SYT8: variants seen among roughly 807,000 people sequenced by gnomAD.
The protein encoded by SYT8 is synaptotagmin-8.
SYT8 carries 50 observed loss-of-function variants against 34.9 expected under a neutral mutation model. That is an observed-to-expected ratio of 1.43 (90% confidence interval 1.14 to 1.81). SYT8 has a LOEUF of 1.81. Among genes scored for constraint, SYT8 ranks in the 40% most tolerant of loss-of-function variants. The pLI, the probability that SYT8 is intolerant of heterozygous loss-of-function variation, is 0.00. For synonymous variants in SYT8, 255 were observed against 234.2 expected, an observed-to-expected ratio of 1.09 and a Z score of -0.81; for missense variants, 595 against 529.0, an observed-to-expected ratio of 1.12 and a Z score of -1.22.
At chr11:1,834,713 G>T, upstream of SYT8, 2 of 1,170,196 alleles carry the variant, frequency 1.7e-6, no homozygotes, top group Admixed American at 2.3e-5. The surrounding 1 kb of genome is among the most constrained non-coding windows in gnomAD (Gnocchi z 4.5). Flanking sequence ...AGGGTCCAGG[G>T]CCCAGGAGAG....
At position 1,837,413 on chromosome 11, in the gene SYT8, G is replaced by GC. The variant is rs1424710203; in HGVS notation, c.1149dup (p.Pro385AlafsTer29). ...TGCAGCCCCGCCTTCGCCTGCGCCT[G>GC]CCCTTGCCCCACTCCTGAATGCACC... is the stretch of plus-strand genomic sequence containing the variant. On this transcript the variant is annotated frameshift_variant, in exon 8 of 8. Transcript: ENST00000341958. LOFTEE classifies it high-confidence loss of function. 6.2e-7 allele frequency: 1 copy of GC among 1,605,460 alleles called. No individual in the cohort carries two copies. Among genetic ancestry groups the GC allele is most frequent in the African/African-American group, 1.3e-5 (1 of 74,910 alleles).
intron 4 of SYT8, 36 bp downstream of exon 4, chr11:1,836,320 G>A (rs530708983): frequency 1.6e-5 from 24 of 1,507,000 alleles, no homozygotes; most frequent in African/African-American, 5.6e-5. Context: ...GGGCCTGGAC[G>A]GCTGGATGGG....
At position 1,835,075 on chromosome 11, in the gene SYT8, G is replaced by A. The variant is rs1439067847; in HGVS notation, c.-31G>A. The stretch of plus-strand genomic sequence containing the variant: ...CCTCCCAGCTGACCCAGCCTCCTGG[G>A]CCGCTTCTTCCAAACCAGCAGGGTA... On this transcript the variant is annotated 5_prime_UTR_variant, in exon 1 of 8. Coordinates refer to ENST00000341958, the MANE Select transcript of SYT8 (RefSeq NM_001394072.1). 3.7e-6 allele frequency: 6 copies of A among 1,610,880 alleles called. No homozygotes were observed. Among genetic ancestry groups the A allele is most frequent in the Non-Finnish European group, 5.1e-6 (6 of 1,178,654 alleles).
In SYT8 at chr11:1,837,091, G is replaced by A; in HGVS notation, c.924+1G>A. Reference sequence around the variant, plus strand: ...CCTGGTGCCCTTCAGCCAGGTCCAGGTGGGCCACCGGGAGGCAGGGGCAGA... The same window carrying A: ...CCTGGTGCCCTTCAGCCAGGTCCAGATGGGCCACCGGGAGGCAGGGGCAGA... On this transcript the variant is annotated splice_donor_variant, in intron 7 of 7. Transcript: ENST00000341958. LOFTEE classifies it high-confidence loss of function. 1 of 1,613,448 alleles carries A rather than the reference G, an allele frequency of 6.2e-7. No individual in the cohort carries two copies.
At chr11:1,834,703 A>G (rs888914461), upstream of SYT8, 1 of 1,267,568 alleles carries the variant, frequency 7.9e-7, no homozygotes, top group African/African-American at 1.5e-5. This position sits in a 1 kb window ranked among gnomAD's most constrained non-coding sequence, Gnocchi z 4.5. Flanking sequence ...GGCAGGGCCC[A>G]GGGTCCAGGG....
upstream of SYT8, chr11:1,834,105 C>CA (rs930162180): frequency 5.7e-6 from 1 of 175,806 alleles, no homozygotes; most frequent in South Asian, 1.2e-4. The surrounding 1 kb of genome is among the most constrained non-coding windows in gnomAD (Gnocchi z 4.5). Flanking sequence ...CTCTCTGGAG[C>CA]GGGTGGAGTC....
In SYT8 at chr11:1,836,286, T is replaced by C. The variant is rs1342432418; in HGVS notation, c.516+2T>C. The C allele has an allele frequency of 6.5e-7, 1 of 1,545,768 alleles. No individual in the cohort carries two copies. The highest frequency in any genetic ancestry group is 8.7e-7 in the Non-Finnish European group (1 of 1,148,056). On this transcript the variant is annotated splice_donor_variant, in intron 4 of 7. Coordinates refer to ENST00000341958, the MANE Select transcript of SYT8 (RefSeq NM_001394072.1). LOFTEE classifies it high-confidence loss of function. ...TTTGACGAGACCTGCTGCTTCCACGTGAGTCAGGGATGGTCGGCTGGGTGG... is the reference window on the plus strand; with the variant it reads ...TTTGACGAGACCTGCTGCTTCCACGCGAGTCAGGGATGGTCGGCTGGGTGG...
In SYT8 at chr11:1,836,270, A is replaced by T. The variant is rs761300578; in HGVS notation, c.502A>T (p.Thr168Ser). 1.3e-6 allele frequency: 2 copies of T among 1,559,062 alleles called. No homozygotes were observed. Among genetic ancestry groups the T allele is most frequent in the Non-Finnish European group, 1.7e-6 (2 of 1,155,422 alleles). Residue 168 changes from threonine to serine, a missense_variant, in exon 4 of 8, where the codon ACC (threonine) becomes TCC (serine). Thr to Ser is a moderately conservative substitution (Grantham distance 58). Coordinates refer to ENST00000341958, the MANE Select transcript of SYT8 (RefSeq NM_001394072.1). ...RGTLCPVFDE[T>S]CCFHIPQAEL... ...CACGCTCTGCCCCGTGTTTGACGAGACCTGCTGCTTCCACGTGAGTCAGGG... is the reference window on the plus strand; with the variant it reads ...CACGCTCTGCCCCGTGTTTGACGAGTCCTGCTGCTTCCACGTGAGTCAGGG...
At chr11:1,832,220 T>G (rs1322856277), upstream of SYT8, among the ~76,000 whole-genome samples, 2 of 151,978 alleles carry the variant, frequency 1.3e-5, no homozygotes, top group African/African-American at 4.8e-5. Flanking sequence ...CACGCTGGCC[T>G]TGGAGGGTGA....
rs1380086207 is a variant in SYT8, at chr11:1,837,329, G to T, written c.1062G>T (p.Arg354=). ...CAGACATGCTGGCCCACGCCCGGCG[G>T]CCCATTGCCCAGCGGCACCCCCTGC... ...HWADMLAHAR[R]PIAQRHPLRP... Residue 354 remains arginine, a synonymous_variant, in exon 8 of 8, where the codon CGG becomes CGT. Transcript: ENST00000341958. 6.3e-7 allele frequency: 1 copy of T among 1,591,632 alleles called. No individual in the cohort carries two copies. Among genetic ancestry groups the T allele is most frequent in the Admixed American group, 1.7e-5 (1 of 59,304 alleles).
chr11:1,836,790 G>A lies in SYT8; in HGVS notation c.719G>A (p.Arg240Gln), dbSNP rs75258793. The change falls in exon 6 of 8, where the codon CGG becomes CAG. Residue 240 changes from arginine to glutamine, a missense_variant. Transcript: ENST00000341958. Reference protein sequence around the residue: ...EQVGELCFSLRYVPSSGRLTV... With the variant: ...EQVGELCFSLQYVPSSGRLTV... ...GTCGGGGAGCTGTGCTTCTCTCTCC[G>A]GTACGTGCCCAGCTCAGGCCGGCTG... 5.4e-5 allele frequency: 87 copies of A among 1,610,600 alleles called. No homozygotes were observed. Among genetic ancestry groups the A allele is most frequent in the Admixed American group, 8.3e-5 (5 of 59,996 alleles).
upstream of SYT8, among the ~76,000 whole-genome samples, chr11:1,832,527 G>A (rs1761259595): frequency 1.3e-5 from 2 of 152,192 alleles, no homozygotes; most frequent in Admixed American, 1.3e-4. Context: ...AGATCTGGGA[G>A]GGGAGACCCG....
At position 1,835,192 on chromosome 11, in the gene SYT8, G is replaced by A. The variant is rs766127011; in HGVS notation, c.87G>A (p.Gly29=). 8.1e-6 allele frequency: 13 copies of A among 1,613,202 alleles called. 1 individual carries two copies. The South Asian group carries it at 1.4e-4, about 18-fold the overall frequency. The change falls in exon 1 of 8, where the codon GGG becomes GGA. Residue 29 remains glycine (G), a synonymous_variant. Transcript: ENST00000341958. ...IPGLIPDLVA[G]TPWPRWALIA... ...GGCTTATTCCAGACCTTGTCGCCGG[G>A]ACCCCCTGTGAGTTGTGGGATTCCC...
At chr11:1,831,816 T>A (rs1249470406), upstream of SYT8, 1 of 455,162 alleles carries the variant, frequency 2.2e-6, no homozygotes, top group African/African-American at 2.0e-5. Flanking sequence ...GAGGCAGTGC[T>A]GTCCGAGAGC....
chr11:1,835,336 C>T lies in SYT8; in HGVS notation c.135C>T (p.Gly45=), dbSNP rs377088389. 55 of 1,601,022 alleles carry T rather than the reference C, an allele frequency of 3.4e-5. No individual in the cohort carries two copies. Among genetic ancestry groups the T allele is most frequent in the African/African-American group, 5.3e-5 (4 of 74,774 alleles). ...WALIAGALAA[G]VLLVSCLLCA... is the part of the protein sequence containing the mutation. ...TCATTGCCGGCGCCCTTGCCGCGGG[C>T]GTCCTCCTCGTCTCCTGCCTCCTCT... The change falls in exon 2 of 8, where the codon GGC becomes GGT. Residue 45 remains glycine, a synonymous_variant. Transcript: ENST00000341958.
upstream of SYT8, chr11:1,831,934 C>A: frequency 2.8e-6 from 1 of 359,282 alleles, no homozygotes; most frequent in Non-Finnish European, 5.6e-6. Flanking sequence ...CCAGCCCCAG[C>A]ACTCGGGGAA....
chr11:1,834,905 C>T (rs1846814732), upstream of SYT8: 1 of 636,046 alleles, frequency 1.6e-6, no homozygotes, highest in South Asian at 1.9e-5. The surrounding 1 kb of genome is among the most constrained non-coding windows in gnomAD (Gnocchi z 4.5). Context: ...GAGCTTTGGC[C>T]AGGGTCCAGA....
chr11:1,834,347 C>T, upstream of SYT8: 1 of 560,264 alleles, frequency 1.8e-6, no homozygotes, highest in Non-Finnish European at 3.1e-6. The surrounding 1 kb of genome is among the most constrained non-coding windows in gnomAD (Gnocchi z 4.5). Flanking sequence ...CAGGCAGCGG[C>T]TGAGTCAGTG....
At chr11:1,835,832 C>A in intron 2 of SYT8, 54 bp from the exon 3 acceptor site, 1 of 1,487,888 alleles carries the variant, frequency 6.7e-7, no homozygotes, top group Non-Finnish European at 9.4e-7. Flanking sequence ...GAGCCCAGGG[C>A]TCTGATGAGG....
Sources: allele counts gnomAD v4.1 joint callset (sites outside exome capture counted in the v4.1 genomes callset), GRCh38; gene constraint gnomAD v4.1.1; non-coding constraint Gnocchi (gnomAD v3.1); transcripts MANE v1.5; gene names NCBI Gene and HGNC (gene_info 2026-07-23, HGNC 2026-07-21).